Variants in PLXND1 observed in about 807,000 individuals in gnomAD.
PLXND1 encodes the protein plexin-D1.
A neutral mutation model predicts 197.7 loss-of-function variants in PLXND1; 54 were observed. The observed-to-expected ratio is 0.27, with a 90% CI of 0.22 to 0.34. The LOEUF (loss-of-function observed/expected upper bound fraction) is 0.34, where lower values mean the gene tolerates loss of function less well. Ranked by LOEUF, PLXND1 falls within the 10% of genes least tolerant of loss-of-function variation. The probability of loss-of-function intolerance (pLI) is 1.00; values close to 1 mark genes in which losing one functional copy is unlikely to be tolerated. For synonymous variants in PLXND1, 1,180 were observed against 1,161.2 expected (o/e 1.02, Z -0.33); for missense variants, 2,127 against 2,699.2 (o/e 0.79, Z 4.70).
In PLXND1 at chr3:129,571,609, A is replaced by T. The variant is rs1293150671; in HGVS notation, c.3246-10T>A. ...GATGGTCCTGCCGCCACTGCGGGGG[A>T]CAGCAAAACCTATCAGTGCACCTGC... On this transcript the variant is annotated splice_polypyrimidine_tract_variant and intron_variant, in intron 16 of 35. Coordinates refer to ENST00000324093, the MANE Select transcript of PLXND1 (RefSeq NM_015103.3). 6.2e-7 allele frequency: 1 copy of T among 1,613,718 alleles called. No homozygotes were observed. Among genetic ancestry groups the T allele is most frequent in the African/African-American group, 1.3e-5 (1 of 74,926 alleles).
intron 11 of PLXND1, 137 bp from the exon 12 acceptor site, chr3:129,574,627 T>C: frequency 1.1e-6 from 1 of 900,446 alleles, no homozygotes; most frequent in Non-Finnish European, 1.7e-6. Context: ...AAGTCCTGAT[T>C]CTGGGGGTCA....
At position 129,605,893 on chromosome 3, in the gene PLXND1, C is replaced by T. The variant is rs143022636; in HGVS notation, c.747G>A (p.Leu249=). ...AIRSLDTRGD[L]AKLFTFDLNP... ...TGAGGTCGAAGGTGAAGAGCTTGGC[C>T]AGGTCGCCGCGCGTGTCCAGGGAGC... Residue 249 remains leucine (L), a synonymous_variant, in exon 1 of 36, where the codon CTG becomes CTA. Transcript: ENST00000324093. 24 of 1,612,616 alleles carry T rather than the reference C, an allele frequency of 1.5e-5. No individual in the cohort carries two copies. The East Asian group carries it at 5.1e-4, about 35-fold the overall frequency.
In PLXND1 at chr3:129,565,508, C is replaced by T. The variant is rs375080270; in HGVS notation, c.4353G>A (p.Ala1451=). The change falls in exon 25 of 36, where the codon GCG becomes GCA. Residue 1451 remains alanine (A), a synonymous_variant. Transcript: ENST00000324093. ...TGTAGTACTCCAGCTTGCCGTGCAG[C>T]GCGATGGTCAGCAGCGAGGCCAGGC... is the stretch of plus-strand genomic sequence containing the variant. ...RCSLASLLTI[A]LHGKLEYYTS... is the part of the protein sequence containing the mutation. 2.0e-5 allele frequency: 33 copies of T among 1,613,742 alleles called. 2 individuals carry two copies. The South Asian group carries it at 2.6e-4, about 13-fold the overall frequency.
At chr3:129,563,002 C>G in intron 26 of PLXND1, 59 bp from the exon 27 acceptor site, 1 of 1,606,482 alleles carries the variant, frequency 6.2e-7, no homozygotes, top group African/African-American at 1.3e-5. Context: ...TATGTCAGTG[C>G]CCAGGCAGCA....
chr3:129,575,335 T>C, intron 11 of PLXND1, 134 bp downstream of exon 11: 1 of 641,428 alleles, frequency 1.6e-6, no homozygotes, highest in South Asian at 1.8e-5. Context: ...GATATGAGGC[T>C]GTGTGTGTGC....
Position 129,565,517 on chromosome 3 carries a change from C to T in PLXND1, c.4344G>A (p.Leu1448=), listed in dbSNP as rs143931927. 6.2e-7 allele frequency: 1 copy of T among 1,613,586 alleles called. No individual in the cohort carries two copies. Among genetic ancestry groups the T allele is most frequent in the African/African-American group, 1.3e-5 (1 of 75,044 alleles). ...CCAGCTTGCCGTGCAGCGCGATGGT[C>T]AGCAGCGAGGCCAGGCTGCACCTGT... ...VRDRCSLASL[L]TIALHGKLEY... is the part of the protein sequence containing the mutation. The change falls in exon 25 of 36, where the codon CTG becomes CTA. Residue 1448 remains leucine (L), a synonymous_variant. Coordinates refer to ENST00000324093, the MANE Select transcript of PLXND1 (RefSeq NM_015103.3).
At chr3:129,599,884 C>T (rs2085682444) in intron 1 of PLXND1, among the ~76,000 whole-genome samples, 1 of 152,222 alleles carries the variant, frequency 6.6e-6, no homozygotes. Flanking sequence ...CCCTCACTCC[C>T]CAGCTGTGTG....
chr3:129,606,156 G>A lies in PLXND1; in HGVS notation c.484C>T (p.Arg162Cys). ...GCGGGCGGCGCGGCGGGCGGGAAGC[G>A]CACGGCCACGGCCGAGATGTTGCCC... ...RRGNISAVAV[R>C]FPPAAPPAEP... Residue 162 changes from arginine to cysteine, a missense_variant, in exon 1 of 36, where the codon CGC becomes TGC. By Grantham distance (180) the Arg-to-Cys change is radical (BLOSUM62 -3). Around this residue, in one of 6 missense-constraint regions of PLXND1, gnomAD observed 245 missense variants for 267.1 expected, o/e 0.92. Transcript: ENST00000324093. 1 of 1,521,136 alleles carries A rather than the reference G, an allele frequency of 6.6e-7. No individual in the cohort carries two copies. The highest frequency in any genetic ancestry group is 8.8e-7 in the Non-Finnish European group (1 of 1,141,258). The allele number at this position is 1,521,136 out of a possible 1,614,324, so 94.2% of individuals were successfully genotyped here.
At chr3:129,596,258 G>A (rs896267053) in intron 1 of PLXND1, among the ~76,000 whole-genome samples, 8 of 152,108 alleles carry the variant, frequency 5.3e-5, no homozygotes, top group Non-Finnish European at 8.8e-5. Context: ...CAAAGCATCC[G>A]AGGCTGGATG....
chr3:129,583,583 G>A lies in PLXND1; in HGVS notation c.2225C>T (p.Ala742Val), dbSNP rs2085415496. 2 of 1,613,392 alleles carry A rather than the reference G, an allele frequency of 1.2e-6. No homozygotes were observed. Among genetic ancestry groups the A allele is most frequent in the African/African-American group, 2.7e-5 (2 of 74,996 alleles). The change falls in exon 8 of 36, where the codon GCC becomes GTC. Residue 742 changes from alanine to valine, a missense_variant. Physicochemically the swap from Ala to Val is moderately conservative, Grantham distance 64. Transcript: ENST00000324093. ...SCVSNQSRCEASPNPTSPQDC... is the reference protein window; with the variant it reads ...SCVSNQSRCEVSPNPTSPQDC... ...CTGGCTTACCGTGGGGTTTGGTGAG[G>A]CCTCGCACCGAGACTGGTTGGAAAC...
intron 19 of PLXND1, 139 bp from the exon 20 acceptor site, chr3:129,570,096 A>C (rs1183917192): frequency 6.2e-6 from 4 of 641,590 alleles, no homozygotes; most frequent in Non-Finnish European, 1.1e-5. Context: ...TAGAGATAAC[A>C]ATGTCCACCT....
Position 129,558,638 on chromosome 3 carries a change from T to C in PLXND1, c.5298-63A>G, listed in dbSNP as rs61109754. On this transcript the variant is annotated intron_variant, in intron 32 of 35. Transcript: ENST00000324093. The surrounding 1 kb of genome is among the most constrained non-coding windows in gnomAD (Gnocchi z 4.1). ...GGGGTAGGAAGCAGTCGAGGGACAG[T>C]TGTGGAGGAGAGAGCTGGCTTTGTC... 0.12 allele frequency: 186,829 copies of C among 1,517,748 alleles called. 12,711 individuals are homozygous for C. Among genetic ancestry groups the C allele is most frequent in the African/African-American group, 0.23 (16,618 of 73,148 alleles). The allele number at this position is 1,517,748 out of a possible 1,614,324, so 94.0% of individuals were successfully genotyped here. A position where few individuals can be genotyped will look rare whatever the true frequency, so the allele number is the denominator to read the frequency against.
Position 129,606,138 on chromosome 3 carries a change from G to A in PLXND1, c.502C>T (p.Pro168Ser). The change falls in exon 1 of 36, where the codon CCG (proline) becomes TCG (serine). Residue 168 changes from proline to serine, a missense_variant. By Grantham distance (74) the Pro-to-Ser change is moderately conservative. This residue lies in a region of PLXND1 where 245 missense variants were observed against 267.1 expected (regional missense o/e 0.92). Coordinates refer to ENST00000324093, the MANE Select transcript of PLXND1 (RefSeq NM_015103.3). ...AACACCGTGACGGGCTCGGCGGGCG[G>A]CGCGGCGGGCGGGAAGCGCACGGCC... is the stretch of plus-strand genomic sequence containing the variant. The part of the protein sequence containing the change: ...AVAVRFPPAA[P>S]PAEPVTVFPS... 1 of 1,508,208 alleles carries A rather than the reference G, an allele frequency of 6.6e-7. No individual in the cohort carries two copies. Among genetic ancestry groups the A allele is most frequent in the Non-Finnish European group, 8.8e-7 (1 of 1,135,776 alleles). 93.4% of individuals were successfully genotyped at this position (1,508,208 alleles called of 1,614,324 possible). A position where few individuals can be genotyped will look rare whatever the true frequency, so the allele number is the denominator to read the frequency against.
chr3:129,557,797 G>A lies in PLXND1; in HGVS notation c.5446-574C>T, dbSNP rs532445387. 3.3e-5 allele frequency among the ~76,000 whole-genome samples: 5 copies of A among 152,302 alleles called. No individual in the cohort carries two copies. Among genetic ancestry groups the A allele is most frequent in the African/African-American group, 9.6e-5 (4 of 41,562 alleles). On this transcript the variant is annotated intron_variant, in intron 33 of 35. Coordinates refer to ENST00000324093, the MANE Select transcript of PLXND1 (RefSeq NM_015103.3). The surrounding 1 kb of genome is among the most constrained non-coding windows in gnomAD (Gnocchi z 4.8). ...GTGGGCTAAATGCAGGGTCACACACGACCTGGACCAATCCTGCAGTGCCAG... is the reference window on the plus strand; with the variant it reads ...GTGGGCTAAATGCAGGGTCACACACAACCTGGACCAATCCTGCAGTGCCAG...
chr3:129,590,466 G>A (rs1040359477), intron 1 of PLXND1, among the ~76,000 whole-genome samples: 2 of 152,116 alleles, frequency 1.3e-5, no homozygotes, highest in Non-Finnish European at 2.9e-5. Context: ...CACAAGGGTG[G>A]TGCAGAGGAG....
chr3:129,575,608 G>C (rs2085301644), intron 10 of PLXND1, 46 bp from the exon 11 acceptor site: 2 of 1,389,678 alleles, frequency 1.4e-6, no homozygotes, highest in South Asian at 2.5e-5. Context: ...GCAATGCCTG[G>C]GGCTCTGCTG....
Position 129,556,282 on chromosome 3 carries a change from A to G in PLXND1, c.*30T>C. 2 of 1,456,820 alleles carry G rather than the reference A, an allele frequency of 1.4e-6. No individual in the cohort carries two copies. Among genetic ancestry groups the G allele is most frequent in the Non-Finnish European group, 1.9e-6 (2 of 1,037,420 alleles). The allele number at this position is 1,456,820 out of a possible 1,614,324, so 90.2% of individuals were successfully genotyped here. On this transcript the variant is annotated 3_prime_UTR_variant, in exon 36 of 36. Coordinates refer to ENST00000324093, the MANE Select transcript of PLXND1 (RefSeq NM_015103.3). ...GGCCCAGTGGGCGTCCATTTCTCCC[A>G]GCAGCAGCCTGACCAACTCTCCATG...
At chr3:129,565,572 G>T (rs2625972) in intron 24 of PLXND1, 34 bp from the exon 25 acceptor site, 412,127 of 1,576,860 alleles carry the variant, frequency 0.26, 56,623 homozygotes, top group Middle Eastern at 0.29. Flanking sequence ...ACTGCACCTT[G>T]AGGCCCTAGG....
At chr3:129,580,673 G>GCTCA (rs1186351823) in intron 8 of PLXND1, among the ~76,000 whole-genome samples, 1 of 152,072 alleles carries the variant, frequency 6.6e-6, no homozygotes, top group Non-Finnish European at 1.5e-5. Flanking sequence ...CCAGGTGGAT[G>GCTCA]CTCACCCCCA....
Sources: allele counts gnomAD v4.1 joint callset (sites outside exome capture counted in the v4.1 genomes callset), GRCh38; gene constraint gnomAD v4.1.1; regional missense constraint gnomAD v4.1.1; non-coding constraint Gnocchi (gnomAD v3.1); transcripts MANE v1.5; gene names NCBI Gene and HGNC (gene_info 2026-07-23, HGNC 2026-07-21).